The following PCDH7 variants were observed in gnomAD, a reference collection of about 807,000 sequenced individuals.
The protein encoded by PCDH7 is protocadherin-7.
PCDH7 carries 17 observed loss-of-function variants against 58.9 expected under a neutral mutation model. That is an observed-to-expected ratio of 0.29 (90% confidence interval 0.20 to 0.43). PCDH7 has a LOEUF of 0.43. Ranked by LOEUF, PCDH7 falls within the 20% of genes least tolerant of loss-of-function variation. PCDH7 has a pLI of 1.00. For synonymous variants in PCDH7, 664 were observed against 616.4 expected (o/e 1.08, Z -1.14); for missense variants, 1,274 against 1,441.0 (o/e 0.88, Z 1.88).
chr4:30,842,248 C>T (rs1011352077), intron 1 of PCDH7, among the ~76,000 whole-genome samples: 5 of 151,928 alleles, frequency 3.3e-5, no homozygotes, highest in East Asian at 1.9e-4. Context: ...GGGTTGGGCA[C>T]CCAGAAATAA....
intron 3 of PCDH7, among the ~76,000 whole-genome samples, chr4:31,041,686 G>A (rs965680037): frequency 3.2e-4 from 49 of 151,996 alleles, no homozygotes; most frequent in Admixed American, 2.5e-3. Flanking sequence ...CATTAGGGCA[G>A]GGCAATTTCC....
At chr4:31,008,787 A>C (rs982811197) in intron 3 of PCDH7, among the ~76,000 whole-genome samples, 2 of 152,098 alleles carry the variant, frequency 1.3e-5, no homozygotes, top group African/African-American at 4.8e-5. Flanking sequence ...AGTTTGTTTT[A>C]AAAGAAATCC....
chr4:30,819,976 G>A (rs1728177194), intron 1 of PCDH7, among the ~76,000 whole-genome samples: 1 of 152,122 alleles, frequency 6.6e-6, no homozygotes, highest in Middle Eastern at 3.2e-3. Context: ...TGTTAATAGA[G>A]TCTTGAATTC....
At chr4:30,975,035 C>T (rs1013444721) in intron 3 of PCDH7, among the ~76,000 whole-genome samples, 2 of 152,054 alleles carry the variant, frequency 1.3e-5, no homozygotes, top group Non-Finnish European at 2.9e-5. Flanking sequence ...CTGTTTCCAA[C>T]TGTGGAGCTG....
At chr4:31,059,380 T>A (rs1462465806) in intron 3 of PCDH7, among the ~76,000 whole-genome samples, 1 of 151,896 alleles carries the variant, frequency 6.6e-6, no homozygotes, top group Non-Finnish European at 1.5e-5. Context: ...TACTATTTTT[T>A]AAAATCAATT....
chr4:30,817,036 G>A (rs979791008), intron 1 of PCDH7, among the ~76,000 whole-genome samples: 2 of 152,066 alleles, frequency 1.3e-5, no homozygotes, highest in African/African-American at 4.8e-5. Context: ...TAACAATACC[G>A]AACATCCTTA....
At chr4:30,884,041 C>G (rs1226966272) in intron 1 of PCDH7, among the ~76,000 whole-genome samples, 1 of 152,032 alleles carries the variant, frequency 6.6e-6, no homozygotes, top group Non-Finnish European at 1.5e-5. Context: ...TTCCTGGTTG[C>G]CCTATTTTCT....
intron 1 of PCDH7, chr4:30,725,123 A>G: frequency 5.0e-6 from 5 of 999,600 alleles, no homozygotes; most frequent in Non-Finnish European, 6.0e-6. Flanking sequence ...AGTCTGAGAT[A>G]TTGAAATACT....
intron 1 of PCDH7, among the ~76,000 whole-genome samples, chr4:30,880,481 G>T (rs1736825987): frequency 6.6e-6 from 1 of 152,106 alleles, no homozygotes; most frequent in Non-Finnish European, 1.5e-5. Flanking sequence ...AATGAAATCA[G>T]TATTAGCACA....
At chr4:30,916,156 A>G (rs1313323426) in intron 1 of PCDH7, among the ~76,000 whole-genome samples, 4 of 152,106 alleles carry the variant, frequency 2.6e-5, no homozygotes, top group Non-Finnish European at 4.4e-5. Flanking sequence ...TAATGACTCA[A>G]TCCAATCAGC....
intron 3 of PCDH7, among the ~76,000 whole-genome samples, chr4:30,999,271 G>C (rs572329541): frequency 6.6e-6 from 1 of 152,174 alleles, no homozygotes; most frequent in Admixed American, 6.5e-5. Context: ...TGAAAATGTT[G>C]CCTGTGAGCA....
downstream of PCDH7, among the ~76,000 whole-genome samples, chr4:30,737,376 G>C (rs1293757550): frequency 5.9e-5 from 9 of 152,052 alleles, no homozygotes. Context: ...ATATAGGCTG[G>C]GTGCAGTGGC....
At chr4:31,002,719 T>C (rs1048155995) in intron 3 of PCDH7, among the ~76,000 whole-genome samples, 2 of 152,230 alleles carry the variant, frequency 1.3e-5, no homozygotes, top group East Asian at 1.9e-4. Flanking sequence ...TGAGGTATTC[T>C]AAGTTCAACT....
At chr4:30,970,954 C>T (rs1335517645) in intron 3 of PCDH7, among the ~76,000 whole-genome samples, 1 of 152,158 alleles carries the variant, frequency 6.6e-6, no homozygotes, top group Non-Finnish European at 1.5e-5. Context: ...GCTCTCAGCT[C>T]AATGATTTTG....
At chr4:30,928,060 C>G (rs183792106) in intron 2 of PCDH7, among the ~76,000 whole-genome samples, 1 of 152,242 alleles carries the variant, frequency 6.6e-6, no homozygotes, top group East Asian at 1.9e-4. Flanking sequence ...ACTACAGCCT[C>G]GACCTCCTGG....
intron 1 of PCDH7, among the ~76,000 whole-genome samples, chr4:30,874,935 G>A (rs546294445): frequency 5.3e-5 from 8 of 151,744 alleles, no homozygotes; most frequent in South Asian, 2.1e-4. Context: ...ATATACTGGC[G>A]CTTATGCTAA....
intron 3 of PCDH7, among the ~76,000 whole-genome samples, chr4:31,081,642 T>C (rs572347923): frequency 6.6e-6 from 1 of 152,218 alleles, no homozygotes; most frequent in South Asian, 2.1e-4. Context: ...TGTGAGCTGA[T>C]CTCAAGAAAG....
rs543038196 is a variant in PCDH7 at position 30,888,839 on chromosome 4, G to T, written c.71-31314G>T. 1.3e-4 allele frequency among the ~76,000 whole-genome samples: 20 copies of T among 151,976 alleles called. No homozygotes were observed. The South Asian group carries it at 1.7e-3, about 13-fold the overall frequency. On this transcript the variant is annotated intron_variant, in intron 1 of 3. Coordinates refer to the PCDH7 transcript ENST00000509759. The stretch of plus-strand genomic sequence containing the variant: ...ACTTACACTATTTTATTGGATTTTG[G>T]ATATGTTTAAAATTCTCCATAGTAA...
At chr4:30,752,202 C>A (rs1464991645) in intron 1 of PCDH7, among the ~76,000 whole-genome samples, 2 of 151,950 alleles carry the variant, frequency 1.3e-5, no homozygotes, top group African/African-American at 4.8e-5. Context: ...GGCGTGATCC[C>A]GGCTCACTGC....
Sources: gnomAD v4.1 joint callset for allele counts (sites outside exome capture counted in the v4.1 genomes callset) on GRCh38, gnomAD v4.1.1 for gene constraint, MANE v1.5 for transcripts, NCBI Gene and HGNC (gene_info 2026-07-23, HGNC 2026-07-21) for gene names.